The following TSHR variants were observed in gnomAD, a reference collection of about 807,000 sequenced individuals.
TSHR encodes thyroid stimulating hormone receptor, also known as thyrotropin receptor.
In TSHR, 51 loss-of-function variants were observed where a neutral mutation model predicts 64.1. The observed-to-expected ratio is 0.80, with a 90% CI of 0.64 to 1.01. The LOEUF (loss-of-function observed/expected upper bound fraction) is 1.01. Among genes scored for constraint, TSHR ranks in the 50% least tolerant of loss-of-function variants. The pLI, the probability that TSHR is intolerant of heterozygous loss-of-function variation, is 0.00. For synonymous variants in TSHR, 361 were observed against 361.9 expected, an observed-to-expected ratio of 1.00 and a Z score of 0.03; for missense variants, 877 against 942.8, an observed-to-expected ratio of 0.93 and a Z score of 0.91.
At chr14:81,130,136 T>C (rs1369889209) in intron 8 of TSHR, among the ~76,000 whole-genome samples, 1 of 152,248 alleles carries the variant, frequency 6.6e-6, no homozygotes, top group Non-Finnish European at 1.5e-5. Context: ...TGTTATTTAT[T>C]TTTAAAAGAT....
intron 2 of TSHR, among the ~76,000 whole-genome samples, chr14:81,064,827 A>G (rs1018581484): frequency 2.0e-5 from 3 of 152,042 alleles, no homozygotes; most frequent in Non-Finnish European, 4.4e-5. Flanking sequence ...GGGAGAAGCT[A>G]AAGAGAGTGA....
chr14:80,970,392 C>T (rs1887532087), intron 1 of TSHR, among the ~76,000 whole-genome samples: 1 of 152,212 alleles, frequency 6.6e-6, no homozygotes, highest in Non-Finnish European at 1.5e-5. Context: ...CACTTAGTGT[C>T]CCATTGAAGA....
At chr14:81,087,031 G>A (rs73334088) in intron 3 of TSHR, among the ~76,000 whole-genome samples, 4,088 of 152,220 alleles carry the variant, frequency 0.027, 180 homozygotes, top group African/African-American at 0.093. Context: ...AAAAATCATT[G>A]AACTGTATGC....
chr14:81,114,802 C>A (rs1204875673), intron 8 of TSHR, among the ~76,000 whole-genome samples: 14 of 152,248 alleles, frequency 9.2e-5, no homozygotes, highest in African/African-American at 3.4e-4. Context: ...TGAAGAGAGC[C>A]GTGGTTCTAC....
At chr14:81,115,680 T>C (rs1489931722) in intron 8 of TSHR, among the ~76,000 whole-genome samples, 10 of 151,858 alleles carry the variant, frequency 6.6e-5, no homozygotes, top group East Asian at 1.9e-4. Context: ...ATACAGAGAA[T>C]GCCACAAAGA....
intron 8 of TSHR, among the ~76,000 whole-genome samples, chr14:81,114,205 T>G (rs1465599785): frequency 6.6e-6 from 1 of 151,020 alleles, no homozygotes; most frequent in Non-Finnish European, 1.5e-5. Context: ...ACAGCTCCGG[T>G]CTACAGCTCC....
At chr14:80,991,283 C>A in intron 1 of TSHR, among the ~76,000 whole-genome samples, 1 of 152,106 alleles carries the variant, frequency 6.6e-6, no homozygotes, top group Non-Finnish European at 1.5e-5. Context: ...GGGAAGAATT[C>A]TTTCTTTCAG....
At chr14:81,044,359 C>G (rs997428149) in intron 1 of TSHR, among the ~76,000 whole-genome samples, 35 of 152,188 alleles carry the variant, frequency 2.3e-4, no homozygotes, top group Admixed American at 2.3e-3. Flanking sequence ...TAGAAAAACC[C>G]AAATCAAAAC....
Position 81,092,600 on chromosome 14 carries a change from C to G in TSHR, c.537C>G (p.Thr179=), listed in dbSNP as rs1268693749. ...CTTTTCAGGGACTATGCAATGAAAC[C>G]TTGACACTGTGAGTATTACCAGTTC... ...VNAFQGLCNE[T]LTLKLYNNGF... Residue 179 remains threonine (T), a synonymous_variant, in exon 6 of 10, where the codon ACC becomes ACG. Transcript: ENST00000298171. The G allele has an allele frequency of 6.2e-7, 1 of 1,613,898 alleles. No individual in the cohort carries two copies.
chr14:81,107,695 C>G (rs1335484919), intron 7 of TSHR, among the ~76,000 whole-genome samples: 5 of 152,152 alleles, frequency 3.3e-5, no homozygotes. Flanking sequence ...CTAAACACTG[C>G]TCACACACAC....
At chr14:81,091,244 T>C in intron 5 of TSHR, 101 bp downstream of exon 5, 1 of 1,053,138 alleles carries the variant, frequency 9.5e-7, no homozygotes. Flanking sequence ...AAAGCAATTG[T>C]TTCAAGGAGT....
intron 1 of TSHR, among the ~76,000 whole-genome samples, chr14:81,016,786 A>C (rs888667982): frequency 1.3e-5 from 2 of 152,076 alleles, no homozygotes; most frequent in African/African-American, 4.8e-5. Context: ...TTGGATTTTT[A>C]ATCCATTTTG....
At chr14:81,017,661 T>A (rs1682157161) in intron 1 of TSHR, among the ~76,000 whole-genome samples, 1 of 152,072 alleles carries the variant, frequency 6.6e-6, no homozygotes, top group South Asian at 2.1e-4. Flanking sequence ...AGGCAATTCT[T>A]AGGTACTCTC....
intron 1 of TSHR, among the ~76,000 whole-genome samples, chr14:80,996,968 C>T (rs1380707106): frequency 6.6e-6 from 1 of 152,116 alleles, no homozygotes; most frequent in Non-Finnish European, 1.5e-5. Context: ...GTAAAGAAGA[C>T]ACATTATTAT....
intron 1 of TSHR, among the ~76,000 whole-genome samples, chr14:81,042,202 A>G (rs1408919615): frequency 6.6e-6 from 1 of 152,226 alleles, no homozygotes; most frequent in Admixed American, 6.5e-5. Flanking sequence ...GTGGTAAATT[A>G]GGACAGCCAT....
At chr14:81,016,969 A>T (rs1311846945) in intron 1 of TSHR, among the ~76,000 whole-genome samples, 1 of 152,218 alleles carries the variant, frequency 6.6e-6, no homozygotes, top group Non-Finnish European at 1.5e-5. Flanking sequence ...CAGCATGTGA[A>T]TGTCACCTCA....
chr14:81,005,390 A>C (rs1248111990), intron 1 of TSHR, among the ~76,000 whole-genome samples: 2 of 152,198 alleles, frequency 1.3e-5, no homozygotes, highest in African/African-American at 4.8e-5. Flanking sequence ...AACACACAAA[A>C]ACATAAATTC....
At chr14:80,958,642 G>A (rs907823616) in intron 1 of TSHR, among the ~76,000 whole-genome samples, 1 of 152,142 alleles carries the variant, frequency 6.6e-6, no homozygotes, top group Admixed American at 6.5e-5. Flanking sequence ...AGTCTTTCTT[G>A]ACAAGAAAAT....
At chr14:81,016,339 A>G (rs561237224) in intron 1 of TSHR, among the ~76,000 whole-genome samples, 1 of 152,254 alleles carries the variant, frequency 6.6e-6, no homozygotes, top group African/African-American at 2.4e-5. Context: ...ATCTCTCACT[A>G]CGGTTTTGAT....
Sources: gnomAD v4.1 joint callset for allele counts (sites outside exome capture counted in the v4.1 genomes callset) on GRCh38, gnomAD v4.1.1 for gene constraint, MANE v1.5 for transcripts, NCBI Gene and HGNC (gene_info 2026-07-23, HGNC 2026-07-21) for gene names.